Variants in CASZ1 observed in about 807,000 individuals in gnomAD.
The protein encoded by CASZ1 is zinc finger protein castor homolog 1.
CASZ1 carries 28 observed loss-of-function variants against 135.2 expected under a neutral mutation model. The observed-to-expected ratio is 0.21, with a 90% CI of 0.15 to 0.28. The LOEUF (loss-of-function observed/expected upper bound fraction) is 0.28. Among genes scored for constraint, CASZ1 ranks in the 10% least tolerant of loss-of-function variants. The pLI is 1.00. For synonymous variants in CASZ1, 1,068 were observed against 1,073.4 expected (o/e 0.99, Z 0.10); for missense variants, 2,161 against 2,453.3 (o/e 0.88, Z 2.52).
chr1:10,709,615 GGAGAGGGGGAGAGA>G lies in CASZ1; in HGVS notation c.-76-4085_-76-4072del, dbSNP rs1045840562. On this transcript the variant is annotated intron_variant, in intron 2 of 20. Coordinates refer to ENST00000377022, the MANE Select transcript of CASZ1 (RefSeq NM_001079843.3). This position sits in a 1 kb window ranked among gnomAD's most constrained non-coding sequence, Gnocchi z 5.1. Reference sequence around the variant, plus strand: ...AAGAGTGAAAAAGAAAGAGAGAGCGGGAGAGGGGGAGAGAGAGAGAGGGAGAGAGAGAAAGAGAG... The same window carrying G: ...AAGAGTGAAAAAGAAAGAGAGAGCGGGAGAGAGGGAGAGAGAGAAAGAGAG... Among the ~76,000 whole-genome samples the G allele has an allele frequency of 2.0e-5, 3 of 152,142 alleles. No homozygotes were observed. Among genetic ancestry groups the G allele is most frequent in the African/African-American group, 7.2e-5 (3 of 41,432 alleles).
At chr1:10,783,613 C>G (rs888895050) in intron 1 of CASZ1, among the ~76,000 whole-genome samples, 1 of 152,048 alleles carries the variant, frequency 6.6e-6, no homozygotes, top group Non-Finnish European at 1.5e-5. Context: ...TGGCTCATGC[C>G]TGTAATCCCA....
At position 10,660,137 on chromosome 1, in the gene CASZ1, A is replaced by G; in HGVS notation, c.905T>C (p.Met302Thr). The G allele has an allele frequency of 6.2e-7, 1 of 1,614,126 alleles. No homozygotes were observed. The highest frequency in any genetic ancestry group is 8.5e-7 in the Non-Finnish European group (1 of 1,180,004). ...GGAGGCCCGGGCTACCAGGTTCTGC[A>G]TCTGGACACTGCTGTGCGACGGCAG... ...LPLPSHSSVQMQNLVARASKY... is the reference protein window; with the variant it reads ...LPLPSHSSVQTQNLVARASKY... The change falls in exon 6 of 21, where the codon ATG becomes ACG. Residue 302 changes from methionine (M) to threonine (T), a missense_variant. By Grantham distance (81) the Met-to-Thr change is moderately conservative. Around this residue, in one of 7 missense-constraint regions of CASZ1, gnomAD observed 590 missense variants for 609.8 expected, o/e 0.97. Coordinates refer to ENST00000377022, the MANE Select transcript of CASZ1 (RefSeq NM_001079843.3).
intron 2 of CASZ1, among the ~76,000 whole-genome samples, chr1:10,753,964 C>A (rs959891816): frequency 1.3e-5 from 2 of 152,200 alleles, no homozygotes; most frequent in African/African-American, 4.8e-5. Flanking sequence ...GGGCCCCCCA[C>A]CCTGACCCCC....
intron 2 of CASZ1, among the ~76,000 whole-genome samples, chr1:10,751,966 G>A (rs564475504): frequency 8.5e-5 from 13 of 152,218 alleles, no homozygotes; most frequent in South Asian, 2.1e-4. Context: ...GATCTAGGAT[G>A]TGAGGGGTCA....
At chr1:10,773,117 C>T (rs1357435943) in intron 1 of CASZ1, among the ~76,000 whole-genome samples, 13 of 151,974 alleles carry the variant, frequency 8.6e-5, no homozygotes, top group East Asian at 1.9e-4. Context: ...CCCAAGCCCA[C>T]GACAGATCCT....
In CASZ1 at chr1:10,639,884, T is replaced by G. The variant is rs377572273; in HGVS notation, c.4338A>C (p.Ala1446=). Residue 1446 remains alanine, a synonymous_variant, in exon 21 of 21, where the codon GCA becomes GCC. Transcript: ENST00000377022. The surrounding 1 kb of genome is among the most constrained non-coding windows in gnomAD (Gnocchi z 4.0). ...TGACCTTGAGCGAGAACTGACAAGC[T>G]GCGTCCTTGCAGTCCTCGTAAAGGT... is the stretch of plus-strand genomic sequence containing the variant. ...RFDLYEDCKD[A]ACQFSLKVTH... is the part of the protein sequence containing the mutation. 61 of 1,612,546 alleles carry G rather than the reference T, an allele frequency of 3.8e-5. No individual in the cohort carries two copies. The highest frequency in any genetic ancestry group is 5.0e-5 in the Admixed American group (3 of 59,964).
chr1:10,708,975 G>GC (rs1017723330), intron 2 of CASZ1, among the ~76,000 whole-genome samples: 1 of 145,048 alleles, frequency 6.9e-6, no homozygotes, highest in African/African-American at 2.6e-5. Flanking sequence ...ACGGGGAGGG[G>GC]GGGGGCCATG....
At chr1:10,686,600 GCCCCT>G (rs1638600157) in intron 4 of CASZ1, among the ~76,000 whole-genome samples, 1 of 152,180 alleles carries the variant, frequency 6.6e-6, no homozygotes, top group Non-Finnish European at 1.5e-5. Context: ...AGCTCACTGC[GCCCCT>G]CCCCGCCACC....
intron 11 of CASZ1, 71 bp downstream of exon 11, chr1:10,653,306 G>T: frequency 6.7e-7 from 1 of 1,488,126 alleles, no homozygotes; most frequent in Non-Finnish European, 9.4e-7. Flanking sequence ...ACTCTGCTCT[G>T]CAGCCTGAGG....
chr1:10,681,267 G>T (rs548760994), intron 4 of CASZ1, among the ~76,000 whole-genome samples: 2 of 148,968 alleles, frequency 1.3e-5, no homozygotes, highest in Admixed American at 6.7e-5. Context: ...TGACCTCCAC[G>T]CCTGGCCCAG....
In CASZ1 at chr1:10,646,691, C is replaced by T. The variant is rs549612454; in HGVS notation, c.3498-365G>A. ...GGTGCTGCCAGCCCTGGCGGGGTGCCGTGAGGCCCTGGCTGGCGTGGCATG... is the reference window on the plus strand; with the variant it reads ...GGTGCTGCCAGCCCTGGCGGGGTGCTGTGAGGCCCTGGCTGGCGTGGCATG... On this transcript the variant is annotated intron_variant, in intron 16 of 20. Transcript: ENST00000377022. The surrounding 1 kb of genome is among the most constrained non-coding windows in gnomAD (Gnocchi z 6.4). Among the ~76,000 whole-genome samples, 7 of 152,336 alleles carry T rather than the reference C, an allele frequency of 4.6e-5. No individual in the cohort carries two copies. The highest frequency in any genetic ancestry group is 2.1e-4 in the South Asian group (1 of 4,834).
chr1:10,664,804 G>A (rs1301145309), intron 5 of CASZ1, among the ~76,000 whole-genome samples: 1 of 151,330 alleles, frequency 6.6e-6, no homozygotes, highest in Non-Finnish European at 1.5e-5. Flanking sequence ...CCACCCACCC[G>A]TCTATCCCTC....
At chr1:10,649,223 C>A (rs760201424) in intron 14 of CASZ1, 31 bp from the exon 15 acceptor site, 3 of 1,610,518 alleles carry the variant, frequency 1.9e-6, no homozygotes, top group East Asian at 4.5e-5. Flanking sequence ...TAGAGGAGAG[C>A]CTGGGGCTCC....
Position 10,752,591 on chromosome 1 carries a change from A to G in CASZ1, c.-77+8110T>C, listed in dbSNP as rs191552483. 5.1e-4 allele frequency among the ~76,000 whole-genome samples: 77 copies of G among 152,224 alleles called. 1 individual carries two copies. The East Asian group carries it at 0.015, about 29-fold the overall frequency. The stretch of plus-strand genomic sequence containing the variant: ...GTGACCCCAGCCCTGCCTTGCTTGC[A>G]AAGTCCCCAGGCAGCTCCCCAGGGA... On this transcript the variant is annotated intron_variant, in intron 2 of 20. Transcript: ENST00000377022.
At chr1:10,680,739 G>A (rs1176567168) in intron 4 of CASZ1, among the ~76,000 whole-genome samples, 2 of 152,182 alleles carry the variant, frequency 1.3e-5, no homozygotes, top group African/African-American at 4.8e-5. Flanking sequence ...CTCCATGCAG[G>A]TCTGAAGCCT....
rs780840639 is a variant in CASZ1 at position 10,653,590 on chromosome 1, C to T, written c.2467G>A (p.Ala823Thr). Residue 823 changes from alanine to threonine, a missense_variant, in exon 11 of 21, where the codon GCC (alanine) becomes ACC (threonine). Physicochemically the swap from Ala to Thr is moderately conservative, Grantham distance 58. Transcript: ENST00000377022. ...GAGGCTGCTGACCCAGACGACACGG[C>T]ACCCAGGAGGCTGGGGGTGCCCACA... ...LPVGTPSLLG[A>T]VSSGSAASAT... 2 of 1,559,344 alleles carry T rather than the reference C, an allele frequency of 1.3e-6. No individual in the cohort carries two copies. Among genetic ancestry groups the T allele is most frequent in the Non-Finnish European group, 1.7e-6 (2 of 1,150,702 alleles).
intron 5 of CASZ1, among the ~76,000 whole-genome samples, chr1:10,663,327 G>C (rs1643111375): frequency 6.6e-6 from 1 of 152,162 alleles, no homozygotes; most frequent in Non-Finnish European, 1.5e-5. Context: ...GGAGGGCCTG[G>C]GACCCGGCTA....
chr1:10,655,334 C>T (rs1642750499), intron 9 of CASZ1, among the ~76,000 whole-genome samples: 1 of 152,252 alleles, frequency 6.6e-6, no homozygotes, highest in Non-Finnish European at 1.5e-5. Context: ...CCTCAGGAAT[C>T]ATTTGCAATG....
chr1:10,661,562 ACAC>A, intron 5 of CASZ1, among the ~76,000 whole-genome samples: 1 of 151,740 alleles, frequency 6.6e-6, no homozygotes, highest in South Asian at 2.1e-4. Flanking sequence ...ATCACATACA[ACAC>A]ACACATGCAT....
Sources: gnomAD v4.1 joint callset for allele counts (sites outside exome capture counted in the v4.1 genomes callset) on GRCh38, gnomAD v4.1.1 for gene constraint, gnomAD v4.1.1 regional missense constraint, Gnocchi (gnomAD v3.1) non-coding constraint, MANE v1.5 for transcripts, NCBI Gene and HGNC (gene_info 2026-07-23, HGNC 2026-07-21) for gene names.